STRN: variants seen among roughly 807,000 people sequenced by gnomAD.
The protein encoded by STRN is striatin, also known as protein phosphatase 2 regulatory subunit B'''alpha.
A neutral mutation model predicts 96.3 loss-of-function variants in STRN; 53 were observed. The observed-to-expected ratio is 0.55, with a 90% CI of 0.44 to 0.69. STRN has a LOEUF of 0.69. Among genes scored for constraint, STRN ranks in the 30% least tolerant of loss-of-function variants. STRN has a pLI of 0.00. For synonymous variants in STRN, 428 were observed against 355.9 expected, an observed-to-expected ratio of 1.20 and a Z score of -2.28; for missense variants, 987 against 963.9, an observed-to-expected ratio of 1.02 and a Z score of -0.32.
rs553153115 is a variant in STRN at position 36,867,112 on chromosome 2, CA to C, written c.1547+701del. ...CACACACTTGATTGTGTAGTTGCTA[CA>C]AAGTGTCAATGGTCTAAGTAACTAA... On this transcript the variant is annotated intron_variant, in intron 12 of 17. Coordinates refer to ENST00000263918, the MANE Select transcript of STRN (RefSeq NM_003162.4). 6.6e-5 allele frequency among the ~76,000 whole-genome samples: 10 copies of C among 152,304 alleles called. No individual in the cohort carries two copies. In the South Asian group the frequency reaches 2.1e-3, roughly 32 times the overall value.
At chr2:36,860,835 A>C (rs78487785) in intron 13 of STRN, among the ~76,000 whole-genome samples, 60 of 152,352 alleles carry the variant, frequency 3.9e-4, no homozygotes, top group African/African-American at 1.4e-3. Context: ...TAATGTATCA[A>C]GAACTCTACA....
chr2:36,843,520 C>A lies in STRN; in HGVS notation c.*5936G>T, dbSNP rs1221390126. 2.6e-5 allele frequency: 4 copies of A among 152,030 alleles called. No individual in the cohort carries two copies. Among genetic ancestry groups the A allele is most frequent in the African/African-American group, 9.7e-5 (4 of 41,404 alleles). The allele number at this position is 152,030 out of a possible 1,614,324, so 9.4% of individuals were successfully genotyped here. ...TTAAACATATGTGTCTCTGAAAGTA[C>A]CACTGACCCAATCCTAGAAGCTATT... On this transcript the variant is annotated 3_prime_UTR_variant, in exon 18 of 18. Transcript: ENST00000263918.
In STRN at chr2:36,839,564, C is replaced by G. The variant is rs1475232473; in HGVS notation, c.*9892G>C. 6.6e-6 allele frequency among the ~76,000 whole-genome samples: 1 copy of G among 152,162 alleles called. No homozygotes were observed. Among genetic ancestry groups the G allele is most frequent in the Non-Finnish European group, 1.5e-5 (1 of 68,032 alleles). On this transcript the variant is annotated 3_prime_UTR_variant, in exon 18 of 18. Transcript: ENST00000263918. ...ATTAGGTGTTTTACATCCGTTATCT[C>G]AAATCAACCTAATTAGGCAGATCTA...
At chr2:36,943,319 A>G (rs1402623929) in intron 1 of STRN, among the ~76,000 whole-genome samples, 1 of 151,898 alleles carries the variant, frequency 6.6e-6, no homozygotes, top group African/African-American at 2.4e-5. Flanking sequence ...GTATGAAGAG[A>G]CAGAAAGATA....
chr2:36,873,532 C>A (rs1271314952), intron 10 of STRN, among the ~76,000 whole-genome samples: 2 of 151,762 alleles, frequency 1.3e-5, no homozygotes, highest in Admixed American at 6.6e-5. Context: ...TGCACACCAG[C>A]CTGGGTAAGA....
chr2:36,878,676 G>GA (rs1668984363), intron 9 of STRN, among the ~76,000 whole-genome samples: 1 of 151,888 alleles, frequency 6.6e-6, no homozygotes, highest in African/African-American at 2.4e-5. Flanking sequence ...TCACTGAGCT[G>GA]TACCCTTATG....
intron 2 of STRN, among the ~76,000 whole-genome samples, chr2:36,921,350 G>C (rs1327415834): frequency 6.6e-6 from 1 of 151,804 alleles, no homozygotes; most frequent in South Asian, 2.1e-4. Context: ...TTCTTTGTTG[G>C]CTCTTCTTCC....
intron 3 of STRN, among the ~76,000 whole-genome samples, chr2:36,909,709 T>G (rs941563783): frequency 6.6e-6 from 1 of 152,034 alleles, no homozygotes; most frequent in Admixed American, 6.6e-5. Flanking sequence ...ATAAGAAATA[T>G]GTAGAGAGGG....
chr2:36,901,858 T>C (rs1669692285), intron 5 of STRN, among the ~76,000 whole-genome samples: 1 of 152,200 alleles, frequency 6.6e-6, no homozygotes, highest in African/African-American at 2.4e-5. Flanking sequence ...AGGAACTATC[T>C]TCTTGCTAGA....
At chr2:36,898,944 G>A (rs879489207) in intron 6 of STRN, among the ~76,000 whole-genome samples, 6 of 151,942 alleles carry the variant, frequency 3.9e-5, no homozygotes, top group Non-Finnish European at 8.8e-5. Flanking sequence ...GGGGAAAGAG[G>A]GAAGAAGAGA....
At chr2:36,932,224 G>A (rs557274678) in intron 1 of STRN, among the ~76,000 whole-genome samples, 23 of 151,996 alleles carry the variant, frequency 1.5e-4, no homozygotes, top group Admixed American at 5.9e-4. Flanking sequence ...GCGTGATCTC[G>A]GCTCACTGCA....
chr2:36,884,864 T>TA (rs1433261115), intron 8 of STRN, among the ~76,000 whole-genome samples: 1 of 152,160 alleles, frequency 6.6e-6, no homozygotes, highest in African/African-American at 2.4e-5. Context: ...CTCAATGCTT[T>TA]ATATATCAAT....
At chr2:36,951,153 G>A (rs988315166) in intron 1 of STRN, among the ~76,000 whole-genome samples, 9 of 152,118 alleles carry the variant, frequency 5.9e-5, no homozygotes, top group Non-Finnish European at 1.3e-4. Flanking sequence ...AATGTTACAG[G>A]GCCCTACTGA....
At chr2:36,903,839 T>C (rs1319083528) in intron 4 of STRN, among the ~76,000 whole-genome samples, 3 of 152,228 alleles carry the variant, frequency 2.0e-5, no homozygotes, top group Non-Finnish European at 4.4e-5. Flanking sequence ...TTCCTAAATT[T>C]AAAGTTCTTG....
chr2:36,942,291 GT>G (rs1318508875), intron 1 of STRN, among the ~76,000 whole-genome samples: 3 of 151,970 alleles, frequency 2.0e-5, no homozygotes, highest in Non-Finnish European at 4.4e-5. Context: ...AAAAAACCTA[GT>G]TTTTTTATGT....
intron 1 of STRN, among the ~76,000 whole-genome samples, chr2:36,950,213 G>GTTTTTTTTTTTT (rs745506504): frequency 2.8e-5 from 3 of 109,032 alleles, no homozygotes; most frequent in Non-Finnish European, 5.4e-5. Context: ...GTTTGGTTTT[G>GTTTTTTTTTTTT]TTTTTTTTTT....
chr2:36,945,644 G>A (rs1670961834), intron 1 of STRN, among the ~76,000 whole-genome samples: 1 of 151,828 alleles, frequency 6.6e-6, no homozygotes, highest in Non-Finnish European at 1.5e-5. Context: ...CAGCCCGGGC[G>A]ACAGTGCAAG....
At chr2:36,949,919 C>A (rs1454430211) in intron 1 of STRN, among the ~76,000 whole-genome samples, 2 of 151,964 alleles carry the variant, frequency 1.3e-5, no homozygotes, top group African/African-American at 4.8e-5. Context: ...GGACTTCAGT[C>A]AGAGTAACTG....
At chr2:36,878,760 T>A (rs1047344693) in intron 9 of STRN, among the ~76,000 whole-genome samples, 1 of 152,122 alleles carries the variant, frequency 6.6e-6, no homozygotes, top group African/African-American at 2.4e-5. Context: ...TTTTTTTTTA[T>A]GTTTTTTTCT....
Sources: gnomAD v4.1 joint callset for allele counts (sites outside exome capture counted in the v4.1 genomes callset) on GRCh38, gnomAD v4.1.1 for gene constraint, MANE v1.5 for transcripts, NCBI Gene and HGNC (gene_info 2026-07-23, HGNC 2026-07-21) for gene names.